Variants in MAST4 observed in about 807,000 individuals in gnomAD.
MAST4 encodes the protein microtubule-associated serine/threonine-protein kinase 4.
In MAST4, 89 loss-of-function variants were observed where a neutral mutation model predicts 162.7. The observed-to-expected ratio is 0.55, with a 90% CI of 0.46 to 0.65. The LOEUF is 0.65. Among genes scored for constraint, MAST4 ranks in the 30% least tolerant of loss-of-function variants. MAST4 has a pLI of 0.00. For missense variants in MAST4, 3,153 were observed against 3,374.0 expected (o/e 0.93, Z 1.62); for synonymous variants, 1,479 against 1,361.1 (o/e 1.09, Z -1.91).
chr5:66,738,416 T>G (rs1314620970), intron 1 of MAST4, among the ~76,000 whole-genome samples: 1 of 152,160 alleles, frequency 6.6e-6, no homozygotes, highest in Non-Finnish European at 1.5e-5. Flanking sequence ...GCCTAGAAGG[T>G]GGAGAGCCCA....
chr5:66,750,538 C>CA (rs1387679567), intron 1 of MAST4, among the ~76,000 whole-genome samples: 4 of 152,178 alleles, frequency 2.6e-5, no homozygotes, highest in Admixed American at 2.6e-4. Context: ...GGGTGACGGA[C>CA]GCACCTTGAA....
At chr5:66,917,257 A>T (rs771754300) in intron 4 of MAST4, 5 of 452,148 alleles carry the variant, frequency 1.1e-5, no homozygotes, top group Non-Finnish European at 2.0e-5. Flanking sequence ...TCTTCACTTC[A>T]TGCTTATTTT....
chr5:67,162,329 A>G (rs1274936266), intron 27 of MAST4, among the ~76,000 whole-genome samples: 2 of 152,210 alleles, frequency 1.3e-5, no homozygotes, highest in Admixed American at 1.3e-4. Flanking sequence ...TAACAAGTAA[A>G]TGAATGTATT....
chr5:66,639,911 A>G (rs1391866941), intron 1 of MAST4, among the ~76,000 whole-genome samples: 1 of 152,172 alleles, frequency 6.6e-6, no homozygotes, highest in Non-Finnish European at 1.5e-5. Flanking sequence ...CAATTGATAT[A>G]TCTATCATCT....
intron 8 of MAST4, 76 bp from the exon 9 acceptor site, chr5:67,102,460 G>A (rs1225538544): frequency 1.5e-6 from 2 of 1,316,342 alleles, no homozygotes; most frequent in Non-Finnish European, 2.2e-6. Context: ...TGATGCAACT[G>A]ACTGTTTATA....
In MAST4 at chr5:66,749,403, T is replaced by G. The variant is rs1301945017; in HGVS notation, c.364-10306T>G. Among the ~76,000 whole-genome samples, 3 of 152,318 alleles carry G rather than the reference T, an allele frequency of 2.0e-5. No homozygotes were observed. The South Asian group carries it at 6.2e-4, about 32-fold the overall frequency. ...TAGGCGATCACACCCTAGAATTCTG[T>G]GCTCTGGAATACAGGTATGAGCATT... On this transcript the variant is annotated intron_variant, in intron 1 of 28. Coordinates refer to ENST00000403625, the MANE Select transcript of MAST4 (RefSeq NM_001164664.2).
intron 4 of MAST4, chr5:66,959,326 C>T (rs1225929293): frequency 2.6e-6 from 2 of 779,422 alleles, no homozygotes; most frequent in African/African-American, 3.4e-5. Context: ...TATTTTAATG[C>T]TTTCTGCATG....
chr5:66,669,077 G>T (rs1747448759), intron 1 of MAST4, among the ~76,000 whole-genome samples: 1 of 152,206 alleles, frequency 6.6e-6, no homozygotes, highest in Non-Finnish European at 1.5e-5. Context: ...CTAAATCTCA[G>T]TCTAGTGCCT....
At chr5:67,161,643 C>A (rs749761569) in intron 27 of MAST4, among the ~76,000 whole-genome samples, 1 of 152,042 alleles carries the variant, frequency 6.6e-6, no homozygotes, top group Non-Finnish European at 1.5e-5. Context: ...GAATACAAAG[C>A]GACTTCTTTG....
chr5:67,127,079 G>A (rs754285032), intron 14 of MAST4, among the ~76,000 whole-genome samples: 13 of 152,104 alleles, frequency 8.5e-5, no homozygotes, highest in Non-Finnish European at 1.5e-4. Flanking sequence ...TTGCACATTG[G>A]TTTTATGTCC....
intron 1 of MAST4, among the ~76,000 whole-genome samples, chr5:66,665,679 C>G (rs1483396225): frequency 6.6e-6 from 1 of 152,122 alleles, no homozygotes; most frequent in East Asian, 1.9e-4. Context: ...AGACGGGCAA[C>G]TTGGGAGACT....
At chr5:66,829,940 C>G (rs1431276994) in intron 3 of MAST4, among the ~76,000 whole-genome samples, 2 of 152,038 alleles carry the variant, frequency 1.3e-5, no homozygotes, top group African/African-American at 4.8e-5. Flanking sequence ...TTGTTCAAAC[C>G]TAAGTAAACA....
At chr5:67,087,147 A>G (rs1378735621) in intron 5 of MAST4, among the ~76,000 whole-genome samples, 1 of 152,156 alleles carries the variant, frequency 6.6e-6, no homozygotes, top group Non-Finnish European at 1.5e-5. Flanking sequence ...TTCTGTTACC[A>G]CCACGACTCC....
In MAST4 at chr5:66,911,176, G is replaced by C. The variant is rs116410323; in HGVS notation, c.674+11194G>C. ...GCCAGTAACTGCATACTTCCTCCCA[G>C]TGGCCGTGTGAGCTCTGCTTCATCC... On this transcript the variant is annotated intron_variant, in intron 4 of 28. Transcript: ENST00000403625. Among the ~76,000 whole-genome samples, 357 of 152,308 alleles carry C rather than the reference G, an allele frequency of 2.3e-3. 1 individual carries two copies. The highest frequency in any genetic ancestry group is 8.0e-3 in the African/African-American group (332 of 41,556).
Position 67,166,516 on chromosome 5 carries a change from A to G in MAST4, c.7337A>G (p.Gln2446Arg), listed in dbSNP as rs1364346991. The G allele has an allele frequency of 1.2e-6, 2 of 1,607,564 alleles. No homozygotes were observed. Among genetic ancestry groups the G allele is most frequent in the South Asian group, 1.1e-5 (1 of 89,656 alleles). Residue 2446 changes from glutamine to arginine, a missense_variant, in exon 29 of 29, where the codon CAG (glutamine) becomes CGG (arginine). Transcript: ENST00000403625. ...AAACGGTCCCCCTCAGCCACTGGGC[A>G]GAGTTCTTTCCGATCCACGGCCCTC... Reference protein sequence around the residue: ...GMKRSPSATGQSSFRSTALPE... With the variant: ...GMKRSPSATGRSSFRSTALPE...
chr5:66,655,884 T>C (rs536383309), intron 1 of MAST4, among the ~76,000 whole-genome samples: 1 of 152,342 alleles, frequency 6.6e-6, no homozygotes, highest in African/African-American at 2.4e-5. Flanking sequence ...ACTTTTAATA[T>C]ATTTAAAAAA....
intron 4 of MAST4, among the ~76,000 whole-genome samples, chr5:66,962,864 G>A (rs1461994113): frequency 1.3e-5 from 2 of 152,142 alleles, no homozygotes; most frequent in Non-Finnish European, 2.9e-5. Context: ...TAACTGACTA[G>A]CATCAACTCC....
At chr5:66,951,073 G>C (rs1266356319) in intron 4 of MAST4, among the ~76,000 whole-genome samples, 2 of 152,278 alleles carry the variant, frequency 1.3e-5, no homozygotes, top group East Asian at 1.9e-4. Flanking sequence ...GTAATTTTCA[G>C]TTTTGGGTTA....
chr5:67,011,186 C>T (rs1026012927), intron 4 of MAST4, among the ~76,000 whole-genome samples: 1 of 152,146 alleles, frequency 6.6e-6, no homozygotes, highest in Non-Finnish European at 1.5e-5. Flanking sequence ...CTCTGGCTCC[C>T]ACACACCACC....
Sources: allele counts gnomAD v4.1 joint callset (sites outside exome capture counted in the v4.1 genomes callset), GRCh38; gene constraint gnomAD v4.1.1; transcripts MANE v1.5; gene names NCBI Gene and HGNC (gene_info 2026-07-23, HGNC 2026-07-21).